SYNDIG1: variants seen among roughly 807,000 people sequenced by gnomAD.
The protein encoded by SYNDIG1 is synapse differentiation-inducing gene protein 1.
SYNDIG1 carries 9 observed loss-of-function variants against 19.4 expected under a neutral mutation model. The ratio of observed to expected loss-of-function variants is 0.46; its 90% CI spans 0.28 to 0.81. SYNDIG1 has a LOEUF of 0.81. Among genes scored for constraint, SYNDIG1 ranks in the 30% least tolerant of loss-of-function variants. The probability of loss-of-function intolerance (pLI) is 0.12; values close to 1 mark genes in which losing one functional copy is unlikely to be tolerated. For synonymous variants in SYNDIG1, 141 were observed against 145.9 expected (o/e 0.97, Z 0.24); for missense variants, 311 against 343.3 (o/e 0.91, Z 0.74).
intron 3 of SYNDIG1, among the ~76,000 whole-genome samples, chr20:24,664,408 C>T (rs924928881): frequency 1.2e-4 from 19 of 152,138 alleles, no homozygotes; most frequent in East Asian, 1.2e-3. Flanking sequence ...GCCATGAGAA[C>T]GAGCTAGGAC....
At chr20:24,561,668 A>G (rs1004717217) in intron 2 of SYNDIG1, among the ~76,000 whole-genome samples, 1 of 152,166 alleles carries the variant, frequency 6.6e-6, no homozygotes, top group Non-Finnish European at 1.5e-5. Context: ...GAGCCTGGCT[A>G]TGGCTGTGTT....
chr20:24,477,340 T>A (rs1452781458), intron 1 of SYNDIG1, among the ~76,000 whole-genome samples: 1 of 152,018 alleles, frequency 6.6e-6, no homozygotes, highest in Non-Finnish European at 1.5e-5. Flanking sequence ...GTTTTGTTTT[T>A]TTTTTCTTTT....
intron 1 of SYNDIG1, among the ~76,000 whole-genome samples, chr20:24,542,611 A>G (rs1226318888): frequency 6.6e-6 from 1 of 152,218 alleles, no homozygotes; most frequent in Admixed American, 6.5e-5. Flanking sequence ...TGCTTGAATG[A>G]ACAGCCATGT....
At chr20:24,653,440 C>G (rs1381265392) in intron 3 of SYNDIG1, among the ~76,000 whole-genome samples, 3 of 152,168 alleles carry the variant, frequency 2.0e-5, no homozygotes, top group African/African-American at 7.2e-5. Context: ...TGTGTCCCAT[C>G]TTCAGGGCTT....
intron 1 of SYNDIG1, among the ~76,000 whole-genome samples, chr20:24,523,420 T>G (rs942093096): frequency 8.5e-5 from 13 of 152,208 alleles, no homozygotes; most frequent in Non-Finnish European, 1.5e-4. Flanking sequence ...GAGGCACCTT[T>G]AAATTTTGGT....
intron 1 of SYNDIG1, among the ~76,000 whole-genome samples, chr20:24,533,745 G>A (rs1335808995): frequency 6.6e-6 from 1 of 152,180 alleles, no homozygotes; most frequent in Non-Finnish European, 1.5e-5. Flanking sequence ...TGCACCAGGT[G>A]CCATAGCCCC....
intron 1 of SYNDIG1, among the ~76,000 whole-genome samples, chr20:24,475,931 G>T (rs2146205725): frequency 6.6e-6 from 1 of 151,088 alleles, no homozygotes; most frequent in South Asian, 2.1e-4. Context: ...CACAATCTCA[G>T]CTTACTGCAA....
intron 1 of SYNDIG1, among the ~76,000 whole-genome samples, chr20:24,505,240 A>T (rs933358554): frequency 2.0e-5 from 3 of 152,180 alleles, no homozygotes; most frequent in Non-Finnish European, 4.4e-5. Flanking sequence ...TTGAGAAGTC[A>T]TTGGGAAGCA....
chr20:24,572,303 G>A (rs930899521), intron 2 of SYNDIG1, among the ~76,000 whole-genome samples: 1 of 152,202 alleles, frequency 6.6e-6, no homozygotes, highest in Non-Finnish European at 1.5e-5. Flanking sequence ...AACCACAGTC[G>A]CATTCTGGCG....
chr20:24,584,952 T>C lies in SYNDIG1; in HGVS notation c.577T>C (p.Phe193Leu), dbSNP rs1471925163. Reference protein sequence around the residue: ...GLSVFSMLCCFWPLGIAAFYL... With the variant: ...GLSVFSMLCCLWPLGIAAFYL... The stretch of plus-strand genomic sequence containing the variant: ...CAGTGTCTTCTCCATGCTCTGCTGC[T>C]TCTGGCCTCTGGGCATCGCAGCCTT... The change falls in exon 3 of 4, where the codon TTC becomes CTC. Residue 193 changes from phenylalanine to leucine, a missense_variant. By Grantham distance (22) the Phe-to-Leu change is conservative. Transcript: ENST00000376862. 6.2e-7 allele frequency: 1 copy of C among 1,613,968 alleles called. No individual in the cohort carries two copies. The highest frequency in any genetic ancestry group is 2.2e-5 in the East Asian group (1 of 44,838).
In SYNDIG1 at chr20:24,584,927, C is replaced by T. The variant is rs1263912319; in HGVS notation, c.552C>T (p.Leu184=). 1.2e-6 allele frequency: 2 copies of T among 1,614,026 alleles called. No homozygotes were observed. The highest frequency in any genetic ancestry group is 1.7e-5 in the Admixed American group (1 of 60,006). Residue 184 remains leucine (L), a synonymous_variant, in exon 3 of 4, where the codon CTC becomes CTT. Transcript: ENST00000376862. ...LMMPPRDHLG[L]SVFSMLCCFW... ...TGCCCCCGCGGGACCACCTGGGCCT[C>T]AGTGTCTTCTCCATGCTCTGCTGCT...
At chr20:24,600,399 C>A (rs547414848) in intron 3 of SYNDIG1, among the ~76,000 whole-genome samples, 28 of 152,232 alleles carry the variant, frequency 1.8e-4, no homozygotes, top group African/African-American at 6.5e-4. Flanking sequence ...GTGGCCAAGT[C>A]ACCATCACCC....
chr20:24,594,763 A>G (rs1243300136), intron 3 of SYNDIG1, among the ~76,000 whole-genome samples: 1 of 152,126 alleles, frequency 6.6e-6, no homozygotes. Flanking sequence ...CTGTATTACT[A>G]AGTATTTTAT....
chr20:24,662,931 T>C (rs1490109919), intron 3 of SYNDIG1, among the ~76,000 whole-genome samples: 1 of 152,222 alleles, frequency 6.6e-6, no homozygotes, highest in Non-Finnish European at 1.5e-5. Flanking sequence ...ACCAAAAATC[T>C]TGTCAAAGAG....
chr20:24,517,079 A>G (rs2056882822), intron 1 of SYNDIG1, among the ~76,000 whole-genome samples: 1 of 152,012 alleles, frequency 6.6e-6, no homozygotes, highest in Admixed American at 6.6e-5. Context: ...CATGTTCTCA[A>G]TCATAGGTGG....
intron 3 of SYNDIG1, among the ~76,000 whole-genome samples, chr20:24,633,384 C>T (rs2059274570): frequency 6.6e-6 from 1 of 152,230 alleles, no homozygotes; most frequent in East Asian, 1.9e-4. Context: ...CTGCTGTGCC[C>T]CTCCTGGTTT....
chr20:24,601,805 G>A (rs2058683153), intron 3 of SYNDIG1, among the ~76,000 whole-genome samples: 1 of 152,066 alleles, frequency 6.6e-6, no homozygotes, highest in South Asian at 2.1e-4. Flanking sequence ...TCTGCCTAAA[G>A]AACATCCTTT....
chr20:24,618,538 A>G (rs1320374513), intron 3 of SYNDIG1, among the ~76,000 whole-genome samples: 1 of 152,146 alleles, frequency 6.6e-6, no homozygotes, highest in Non-Finnish European at 1.5e-5. Context: ...TGCCAACCCA[A>G]AGGGGTATTC....
intron 1 of SYNDIG1, among the ~76,000 whole-genome samples, chr20:24,507,578 G>A (rs1278634800): frequency 1.3e-5 from 2 of 152,186 alleles, no homozygotes; most frequent in Admixed American, 1.3e-4. Context: ...CGTGAATGTG[G>A]CCTGCAGAAG....
Sources: gnomAD v4.1 joint callset for allele counts (sites outside exome capture counted in the v4.1 genomes callset) on GRCh38, gnomAD v4.1.1 for gene constraint, MANE v1.5 for transcripts, NCBI Gene and HGNC (gene_info 2026-07-23, HGNC 2026-07-21) for gene names.